The following ZNF808 variants were observed in gnomAD, a reference collection of about 807,000 sequenced individuals.
ZNF808 encodes zinc finger protein 808.
In ZNF808, 5 loss-of-function variants were observed where a neutral mutation model predicts 8.7. That is an observed-to-expected ratio of 0.58 (90% confidence interval 0.30 to 1.21). The LOEUF (loss-of-function observed/expected upper bound fraction) is 1.21. Ranked by LOEUF, ZNF808 falls within the 50% of genes most tolerant of loss-of-function variation. The pLI is 0.07. For synonymous variants in ZNF808, 380 were observed against 366.0 expected (o/e 1.04, Z -0.44); for missense variants, 1,103 against 1,098.4 (o/e 1.00, Z -0.06).
chr19:52,558,266 G>A (rs1236775098), downstream of ZNF808, among the ~76,000 whole-genome samples: 18 of 151,192 alleles, frequency 1.2e-4, no homozygotes, highest in African/African-American at 3.4e-4. Context: ...AGTAGAGGCG[G>A]GGTTTCACCC....
chr19:52,558,516 C>T (rs1301064492), downstream of ZNF808, among the ~76,000 whole-genome samples: 14 of 151,994 alleles, frequency 9.2e-5, no homozygotes, highest in African/African-American at 3.1e-4. Context: ...GGACTATAGG[C>T]GTGTGCCACC....
intron 2 of ZNF808, among the ~76,000 whole-genome samples, chr19:52,541,395 A>G (rs961893584): frequency 5.3e-5 from 8 of 152,028 alleles, no homozygotes; most frequent in Non-Finnish European, 1.2e-4. Flanking sequence ...TTTCTAGAGG[A>G]GGAAGACCAA....
chr19:52,531,772 G>C (rs1325209082), intron 1 of ZNF808, among the ~76,000 whole-genome samples: 2 of 151,842 alleles, frequency 1.3e-5, no homozygotes, highest in African/African-American at 2.4e-5. Flanking sequence ...ACAGTAACTA[G>C]ATAACTAAGG....
At chr19:52,537,532 G>A (rs1331846802) in intron 2 of ZNF808, among the ~76,000 whole-genome samples, 1 of 152,010 alleles carries the variant, frequency 6.6e-6, no homozygotes, top group African/African-American at 2.4e-5. Flanking sequence ...CAAAAAGAAA[G>A]AAAAAATTAA....
At chr19:52,528,644 G>A (rs996665007) in intron 1 of ZNF808, among the ~76,000 whole-genome samples, 4 of 152,132 alleles carry the variant, frequency 2.6e-5, no homozygotes, top group Non-Finnish European at 5.9e-5. Flanking sequence ...GAGGGAGAGA[G>A]GGAGGGATTT....
chr19:52,543,497 C>G (rs1452308001), intron 3 of ZNF808, 150 bp downstream of exon 3: 3 of 1,207,158 alleles, frequency 2.5e-6, no homozygotes, highest in Non-Finnish European at 3.4e-6. Flanking sequence ...CTCACCCATG[C>G]CTGCCCTCAG....
chr19:52,554,355 A>G lies in ZNF808; in HGVS notation c.1439A>G (p.Glu480Gly), dbSNP rs1463525990. The change falls in exon 5 of 5, where the codon GAG (glutamate) becomes GGG (glycine). Residue 480 changes from glutamate to glycine, a missense_variant. Coordinates refer to ENST00000359798, the MANE Select transcript of ZNF808 (RefSeq NM_001039886.4). The part of the protein sequence containing the change: ...LARHRRIHTG[E>G]KTYKCNECRK... ...CGACATAGAAGAATTCACACTGGAG[A>G]GAAAACTTACAAGTGTAATGAGTGT... 3 of 1,613,810 alleles carry G rather than the reference A, an allele frequency of 1.9e-6. No homozygotes were observed. In the Admixed American group the frequency reaches 5.0e-5, roughly 27 times the overall value.
At chr19:52,547,659 G>A (rs2059735509) in intron 4 of ZNF808, 21 bp downstream of exon 4, 2 of 1,611,704 alleles carry the variant, frequency 1.2e-6, no homozygotes, top group African/African-American at 1.3e-5. Context: ...TGTCCCTGCA[G>A]ACATGAGGAG....
chr19:52,542,255 T>C (rs1163754666), intron 2 of ZNF808, among the ~76,000 whole-genome samples: 1 of 152,068 alleles, frequency 6.6e-6, no homozygotes, highest in Non-Finnish European at 1.5e-5. Flanking sequence ...CAAAATGCTT[T>C]TGGGTTGTGG....
chr19:52,554,898 G>T lies in ZNF808; in HGVS notation c.1982G>T (p.Ser661Ile). 1.2e-6 allele frequency: 2 copies of T among 1,614,212 alleles called. No individual in the cohort carries two copies. Among genetic ancestry groups the T allele is most frequent in the South Asian group, 2.2e-5 (2 of 91,084 alleles). ...TGTAATGAGTGTGGGAAGACCTTCA[G>T]TTACAAGTCATCACTTGTATGGCAT... ...YKCNECGKTF[S>I]YKSSLVWHRR... Residue 661 changes from serine to isoleucine, a missense_variant, in exon 5 of 5, where the codon AGT becomes ATT. Ser to Ile is a moderately radical substitution (Grantham distance 142, BLOSUM62 -2). Transcript: ENST00000359798.
At chr19:52,546,400 G>A (rs574248758) in intron 3 of ZNF808, among the ~76,000 whole-genome samples, 1 of 151,956 alleles carries the variant, frequency 6.6e-6, no homozygotes, top group African/African-American at 2.4e-5. Context: ...GTTCCCAGGC[G>A]GGTCTCAAAC....
At chr19:52,560,239 T>C (rs2059851934), downstream of ZNF808, among the ~76,000 whole-genome samples, 5 of 151,948 alleles carry the variant, frequency 3.3e-5, no homozygotes, top group South Asian at 1.0e-3. Context: ...GGTAAGAGAA[T>C]TGCTTGAACC....
chr19:52,532,971 T>G lies in ZNF808; in HGVS notation c.-58T>G, dbSNP rs1301124981. The G allele has an allele frequency of 6.4e-6, 1 of 155,452 alleles. No homozygotes were observed. The highest frequency in any genetic ancestry group is 2.4e-5 in the African/African-American group (1 of 41,524). The allele number at this position is 155,452 out of a possible 1,614,324, so 9.6% of individuals were successfully genotyped here. ...TCACTTGACCCAGGGAGTTGAAGGC[T>G]GCAGTGAGCCCTGTTTTTGCCACCA... On this transcript the variant is annotated 5_prime_UTR_variant, in exon 2 of 5. Coordinates refer to ENST00000359798, the MANE Select transcript of ZNF808 (RefSeq NM_001039886.4).
chr19:52,568,458 G>C (rs574575539), downstream of ZNF808, among the ~76,000 whole-genome samples: 113 of 152,256 alleles, frequency 7.4e-4, no homozygotes, highest in African/African-American at 2.6e-3. Context: ...AAATAATTAG[G>C]AAAACTAAGC....
intron 2 of ZNF808, among the ~76,000 whole-genome samples, chr19:52,542,130 G>A (rs967823408): frequency 2.0e-5 from 3 of 148,992 alleles, no homozygotes; most frequent in Non-Finnish European, 4.4e-5. Flanking sequence ...TTTCACTCTT[G>A]TGGCCCAGGC....
At chr19:52,542,060 G>A (rs549659242) in intron 2 of ZNF808, among the ~76,000 whole-genome samples, 2 of 151,950 alleles carry the variant, frequency 1.3e-5, no homozygotes, top group East Asian at 1.9e-4. Context: ...AAACTTAGAT[G>A]TATACGTGAA....
At chr19:52,543,188 C>T in intron 2 of ZNF808, 78 bp from the exon 3 acceptor site, 1 of 1,473,494 alleles carries the variant, frequency 6.8e-7, no homozygotes, top group Non-Finnish European at 9.3e-7. Context: ...AGGGTGACAT[C>T]TCCCGGTTCA....
intron 2 of ZNF808, among the ~76,000 whole-genome samples, chr19:52,536,698 C>T (rs926495591): frequency 1.3e-5 from 2 of 152,126 alleles, no homozygotes; most frequent in South Asian, 2.1e-4. Flanking sequence ...CAGAGTGGTG[C>T]TGGTGGCAAT....
rs1236274071 is a variant in ZNF808 at position 52,556,179 on chromosome 19, G to A, written c.*551G>A. On this transcript the variant is annotated 3_prime_UTR_variant, in exon 5 of 5. Transcript: ENST00000359798. The stretch of plus-strand genomic sequence containing the variant: ...CAAGTGTTTATGTTAAGAGGATGGG[G>A]CCAGGTGTGGTGGCTCAGGCCTGTA... 2 of 334,528 alleles carry A rather than the reference G, an allele frequency of 6.0e-6. No homozygotes were observed. Among genetic ancestry groups the A allele is most frequent in the Admixed American group, 4.3e-5 (1 of 23,034 alleles). 20.7% of individuals were successfully genotyped at this position (334,528 alleles called of 1,614,324 possible).
Sources: gnomAD v4.1 joint callset for allele counts (sites outside exome capture counted in the v4.1 genomes callset) on GRCh38, gnomAD v4.1.1 for gene constraint, MANE v1.5 for transcripts, NCBI Gene and HGNC (gene_info 2026-07-23, HGNC 2026-07-21) for gene names.